The following GRM5 variants were observed in gnomAD, a reference collection of about 807,000 sequenced individuals.
GRM5 encodes metabotropic glutamate receptor 5.
Under a neutral mutation model 83.1 loss-of-function variants are expected in GRM5, and 19 were observed. The observed-to-expected ratio is 0.23, with a 90% CI of 0.16 to 0.34. The LOEUF (loss-of-function observed/expected upper bound fraction) is 0.34, where lower values mean the gene tolerates loss of function less well. Among genes scored for constraint, GRM5 ranks in the 10% least tolerant of loss-of-function variants. The pLI, the probability that GRM5 is intolerant of heterozygous loss-of-function variation, is 1.00. For synonymous variants in GRM5, 675 were observed against 633.6 expected, an observed-to-expected ratio of 1.07 and a Z score of -0.98; for missense variants, 1,160 against 1,588.3, an observed-to-expected ratio of 0.73 and a Z score of 4.58.
Position 88,525,414 on chromosome 11 carries a change from A to G in GRM5, c.2631-10T>C, listed in dbSNP as rs1198682269. 4 of 1,540,814 alleles carry G rather than the reference A, an allele frequency of 2.6e-6. No individual in the cohort carries two copies. The highest frequency in any genetic ancestry group is 1.1e-5 in the South Asian group (1 of 89,288). On this transcript the variant is annotated splice_polypyrimidine_tract_variant and intron_variant, in intron 8 of 9. Coordinates refer to ENST00000305447, the MANE Select transcript of GRM5 (RefSeq NM_001143831.3). Reference sequence around the variant, plus strand: ...TCTCCTGTCTTTGTACCTGGTGAGCATGAACAAGGACAGGAGCAAACAGAA... The same window carrying G: ...TCTCCTGTCTTTGTACCTGGTGAGCGTGAACAAGGACAGGAGCAAACAGAA...
chr11:88,783,007 T>C (rs1000217882), intron 3 of GRM5, among the ~76,000 whole-genome samples: 2 of 152,148 alleles, frequency 1.3e-5, no homozygotes, highest in African/African-American at 4.8e-5. Flanking sequence ...TTGCTAAGGA[T>C]CACCATGCTA....
intron 3 of GRM5, among the ~76,000 whole-genome samples, chr11:88,845,422 A>AATTTTTT (rs1565258558): frequency 1.2e-5 from 1 of 81,840 alleles, no homozygotes; most frequent in Non-Finnish European, 2.2e-5. Flanking sequence ...TATAAACATA[A>AATTTTTT]CTTTTTTTTT....
At chr11:88,850,231 G>T in intron 2 of GRM5, 76 bp from the exon 3 acceptor site, 1 of 725,140 alleles carries the variant, frequency 1.4e-6, no homozygotes, top group South Asian at 1.7e-5. Flanking sequence ...CAGAATGCAG[G>T]TGTTAGGAGC....
intron 4 of GRM5, among the ~76,000 whole-genome samples, chr11:88,643,038 T>C (rs1454637949): frequency 6.6e-6 from 1 of 151,930 alleles, no homozygotes; most frequent in East Asian, 1.9e-4. Context: ...ATTTCCTGTG[T>C]TAGGTCATTT....
intron 3 of GRM5, among the ~76,000 whole-genome samples, chr11:88,728,716 C>G (rs1941739144): frequency 6.6e-6 from 1 of 152,134 alleles, no homozygotes; most frequent in Non-Finnish European, 1.5e-5. Flanking sequence ...AAGGCTGGTT[C>G]AACATATGCA....
chr11:88,696,671 A>C (rs35062628), intron 3 of GRM5, among the ~76,000 whole-genome samples: 18,761 of 152,078 alleles, frequency 0.12, 1,531 homozygotes, highest in Middle Eastern at 0.19. Flanking sequence ...AACATTTCTG[A>C]CTCTAGTTTA....
chr11:88,956,767 CT>C (rs1417140235), intron 2 of GRM5, among the ~76,000 whole-genome samples: 3 of 152,318 alleles, frequency 2.0e-5, no homozygotes, highest in South Asian at 4.1e-4. Flanking sequence ...GATTGCGCCA[CT>C]GCAGTCCGGC....
intron 9 of GRM5, among the ~76,000 whole-genome samples, chr11:88,514,280 A>G (rs948753914): frequency 2.0e-5 from 3 of 152,246 alleles, no homozygotes; most frequent in Admixed American, 1.3e-4. Context: ...TTGAGGATTA[A>G]GTTTTTTGTT....
chr11:88,786,497 C>T (rs1404354835), intron 3 of GRM5, among the ~76,000 whole-genome samples: 2 of 152,130 alleles, frequency 1.3e-5, no homozygotes, highest in African/African-American at 4.8e-5. Context: ...TTGAACTCAT[C>T]TCTTTCAACT....
chr11:88,950,721 A>C (rs1938432080), intron 2 of GRM5, among the ~76,000 whole-genome samples: 1 of 152,176 alleles, frequency 6.6e-6, no homozygotes, highest in Non-Finnish European at 1.5e-5. Context: ...TATTGCAAGA[A>C]AACGCTCTCC....
intron 2 of GRM5, among the ~76,000 whole-genome samples, chr11:89,001,941 C>T (rs572996102): frequency 3.3e-5 from 5 of 152,176 alleles, no homozygotes; most frequent in Admixed American, 6.6e-5. Context: ...GTTCTTAATG[C>T]TCTAACTGAA....
intron 8 of GRM5, among the ~76,000 whole-genome samples, chr11:88,547,185 A>G: frequency 6.6e-6 from 1 of 152,198 alleles, no homozygotes; most frequent in East Asian, 1.9e-4. Flanking sequence ...TTAATAGAAA[A>G]CTGGGAAGAA....
chr11:88,932,459 T>C (rs1249707372), intron 2 of GRM5, among the ~76,000 whole-genome samples: 1 of 152,000 alleles, frequency 6.6e-6, no homozygotes, highest in Admixed American at 6.6e-5. Context: ...GAAATTTTCA[T>C]AATATGTGTA....
At chr11:88,649,239 A>G (rs1430848848) in intron 4 of GRM5, among the ~76,000 whole-genome samples, 1 of 135,068 alleles carries the variant, frequency 7.4e-6, no homozygotes, top group Admixed American at 7.9e-5. Flanking sequence ...TATAGTATAT[A>G]TATCACACAC....
chr11:88,844,824 A>T (rs898804053), intron 3 of GRM5, among the ~76,000 whole-genome samples: 1 of 152,206 alleles, frequency 6.6e-6, no homozygotes, highest in Admixed American at 6.5e-5. Flanking sequence ...TAGTGAAAAG[A>T]GCAGGAGAAC....
intron 8 of GRM5, among the ~76,000 whole-genome samples, chr11:88,534,261 C>T (rs748342286): frequency 2.6e-5 from 4 of 152,156 alleles, no homozygotes; most frequent in Admixed American, 6.5e-5. Flanking sequence ...GATCCACTGA[C>T]GACTTGCACT....
chr11:88,882,439 T>C (rs1469039745), intron 2 of GRM5, among the ~76,000 whole-genome samples: 3 of 149,276 alleles, frequency 2.0e-5, no homozygotes, highest in Non-Finnish European at 4.4e-5. Context: ...CATGTACCTG[T>C]AGTCCCAGCT....
chr11:88,681,565 C>CCTTTTTTTTTTTTTTTTTT (rs1309221208), intron 3 of GRM5, among the ~76,000 whole-genome samples: 1 of 25,402 alleles, frequency 3.9e-5, no homozygotes, highest in Non-Finnish European at 7.9e-5. Context: ...TGAGTTCTTC[C>CCTTTTTTTTTTTTTTTTTT]TTTTTTTTTT....
At chr11:88,752,975 T>G (rs764157149) in intron 3 of GRM5, among the ~76,000 whole-genome samples, 7 of 152,184 alleles carry the variant, frequency 4.6e-5, no homozygotes, top group Non-Finnish European at 8.8e-5. Flanking sequence ...ATTAAAGAAT[T>G]AAGTGTAAAA....
Sources: allele counts gnomAD v4.1 joint callset (sites outside exome capture counted in the v4.1 genomes callset), GRCh38; gene constraint gnomAD v4.1.1; transcripts MANE v1.5; gene names NCBI Gene and HGNC (gene_info 2026-07-23, HGNC 2026-07-21).